The following EYS variants were observed in gnomAD, a reference collection of about 807,000 sequenced individuals.
EYS encodes protein eyes shut homolog.
EYS carries 250 observed loss-of-function variants against 282.1 expected under a neutral mutation model. The ratio of observed to expected loss-of-function variants is 0.89; its 90% confidence interval spans 0.80 to 0.98. The LOEUF is 0.98. EYS is among the 50% of genes least tolerant of loss of function. EYS has a pLI of 0.00. For synonymous variants in EYS, 1,355 were observed against 1,282.9 expected, an observed-to-expected ratio of 1.06 and a Z score of -1.20; for missense variants, 4,016 against 3,709.0, an observed-to-expected ratio of 1.08 and a Z score of -2.15.
chr6:64,345,838 C>T (rs567357844), intron 29 of EYS, among the ~76,000 whole-genome samples: 32 of 152,084 alleles, frequency 2.1e-4, no homozygotes, highest in Admixed American at 6.6e-4. Context: ...CTACAACAAA[C>T]TCAAACAAAT....
At chr6:64,414,884 T>G (rs1381201941) in intron 28 of EYS, among the ~76,000 whole-genome samples, 1 of 152,138 alleles carries the variant, frequency 6.6e-6, no homozygotes, top group African/African-American at 2.4e-5. Flanking sequence ...ATAAAAATAG[T>G]AAAACACACT....
chr6:64,114,998 A>G (rs1268969180), intron 31 of EYS, among the ~76,000 whole-genome samples: 2 of 152,166 alleles, frequency 1.3e-5, no homozygotes, highest in Non-Finnish European at 2.9e-5. Context: ...CATTGGAGCC[A>G]CTGCCAAAAT....
intron 14 of EYS, among the ~76,000 whole-genome samples, chr6:64,996,670 C>A (rs78430676): frequency 0.071 from 10,879 of 152,162 alleles, 455 homozygotes; most frequent in African/African-American, 0.12. Flanking sequence ...TATGTAAATG[C>A]GAGTTACAGT....
chr6:64,523,492 T>G (rs116232900), intron 26 of EYS, among the ~76,000 whole-genome samples: 2,471 of 151,892 alleles, frequency 0.016, 22 homozygotes, highest in South Asian at 0.035. Flanking sequence ...ACATTTCCCT[T>G]GAAGCAAGAT....
At chr6:64,794,490 A>AG (rs1774294428) in intron 22 of EYS, among the ~76,000 whole-genome samples, 1 of 152,136 alleles carries the variant, frequency 6.6e-6, no homozygotes, top group Non-Finnish European at 1.5e-5. Flanking sequence ...TCTTCTGCCC[A>AG]CCATGTGAAG....
At chr6:65,513,190 A>G (rs1766967289) in intron 2 of EYS, among the ~76,000 whole-genome samples, 1 of 152,232 alleles carries the variant, frequency 6.6e-6, no homozygotes, top group African/African-American at 2.4e-5. Flanking sequence ...GAAAATCTAG[A>G]AGAAATGGAT....
chr6:64,910,934 G>T (rs1247251341), intron 16 of EYS, among the ~76,000 whole-genome samples: 2 of 151,972 alleles, frequency 1.3e-5, no homozygotes, highest in Non-Finnish European at 2.9e-5. Flanking sequence ...TGTCTAAAGT[G>T]AATAAATATA....
chr6:64,045,931 AATAC>A (rs1483260422), intron 33 of EYS, among the ~76,000 whole-genome samples: 2 of 147,816 alleles, frequency 1.4e-5, no homozygotes, highest in Admixed American at 6.8e-5. Flanking sequence ...TGTAATATAT[AATAC>A]ATATATGTGT....
intron 36 of EYS, among the ~76,000 whole-genome samples, chr6:63,810,154 G>A (rs539713844): frequency 2.0e-5 from 3 of 151,084 alleles, no homozygotes; most frequent in Non-Finnish European, 3.0e-5. Flanking sequence ...CCAGCTACTC[G>A]GGAGGCTGAG....
chr6:63,734,345 A>G (rs1401454246), intron 41 of EYS, among the ~76,000 whole-genome samples: 1 of 152,114 alleles, frequency 6.6e-6, no homozygotes, highest in South Asian at 2.1e-4. Flanking sequence ...TATTATGGCT[A>G]TTACATCCAT....
intron 12 of EYS, among the ~76,000 whole-genome samples, chr6:65,266,144 C>A (rs1767746703): frequency 6.6e-6 from 1 of 151,762 alleles, no homozygotes; most frequent in South Asian, 2.1e-4. Flanking sequence ...TTGCAGTGTA[C>A]CAGATAATCC....
intron 18 of EYS, among the ~76,000 whole-genome samples, chr6:64,896,558 T>TTA (rs1767476206): frequency 1.3e-5 from 2 of 151,176 alleles, no homozygotes; most frequent in Non-Finnish European, 1.5e-5. Context: ...TTTTTTTTTT[T>TTA]TTTTTCGTAT....
intron 35 of EYS, among the ~76,000 whole-genome samples, chr6:63,870,124 G>T (rs555547574): frequency 4.7e-4 from 72 of 152,296 alleles, no homozygotes; most frequent in African/African-American, 1.6e-3. Flanking sequence ...TTCCTGTAAA[G>T]ATAATGTGCC....
At chr6:64,372,428 C>T (rs1465406243) in intron 29 of EYS, among the ~76,000 whole-genome samples, 2 of 151,990 alleles carry the variant, frequency 1.3e-5, no homozygotes, top group African/African-American at 4.8e-5. Flanking sequence ...GACAGGGTAT[C>T]CTCTGTGGGT....
chr6:64,814,613 T>C (rs1204840069), intron 21 of EYS, among the ~76,000 whole-genome samples: 1 of 152,042 alleles, frequency 6.6e-6, no homozygotes, highest in Non-Finnish European at 1.5e-5. Flanking sequence ...GGAAAACACA[T>C]GTCATAGTAC....
At chr6:65,390,903 GA>G (rs35845690) in intron 7 of EYS, among the ~76,000 whole-genome samples, 61,795 of 150,622 alleles carry the variant, frequency 0.41, 13,698 homozygotes, top group South Asian at 0.5. Flanking sequence ...AAAAAATAAA[GA>G]AAAAAAAATA....
At chr6:63,895,878 C>T (rs1773523152) in intron 35 of EYS, among the ~76,000 whole-genome samples, 1 of 134,184 alleles carries the variant, frequency 7.5e-6, no homozygotes, top group African/African-American at 3.0e-5. Flanking sequence ...GTGGACAATT[C>T]TTATTTAATC....
chr6:65,665,749 T>C (rs968799192), intron 1 of EYS, among the ~76,000 whole-genome samples: 2 of 152,102 alleles, frequency 1.3e-5, no homozygotes, highest in African/African-American at 4.8e-5. Context: ...CTCTGGGATC[T>C]GTACCTTTTA....
At chr6:65,025,560 T>C (rs1357596502) in intron 13 of EYS, among the ~76,000 whole-genome samples, 1 of 152,126 alleles carries the variant, frequency 6.6e-6, no homozygotes, top group Non-Finnish European at 1.5e-5. Context: ...AGAAACATGG[T>C]ATAAGACTGG....
Sources: allele counts gnomAD v4.1 joint callset (sites outside exome capture counted in the v4.1 genomes callset), GRCh38; gene constraint gnomAD v4.1.1; transcripts MANE v1.5; gene names NCBI Gene and HGNC (gene_info 2026-07-23, HGNC 2026-07-21).